Variants in XYLB observed in about 807,000 individuals in gnomAD.
The protein encoded by XYLB is xylulose kinase.
A neutral mutation model predicts 78.7 loss-of-function variants in XYLB; 62 were observed. That is an observed-to-expected ratio of 0.79 (90% confidence interval 0.64 to 0.97). XYLB has a LOEUF of 0.97. Among genes scored for constraint, XYLB ranks in the 50% least tolerant of loss-of-function variants. The pLI, the probability that XYLB is intolerant of heterozygous loss-of-function variation, is 0.00. For missense variants in XYLB, 687 were observed against 676.8 expected (o/e 1.02, Z -0.17); for synonymous variants, 245 against 247.4 (o/e 0.99, Z 0.09).
intron 2 of XYLB, among the ~76,000 whole-genome samples, chr3:38,353,080 C>G (rs1705455459): frequency 6.6e-6 from 1 of 152,090 alleles, no homozygotes; most frequent in African/African-American, 2.4e-5. Flanking sequence ...ATTGAATTTC[C>G]CAGTCTCTTT....
the XYLB span, among the ~76,000 whole-genome samples, chr3:38,439,151 C>T: frequency 4.6e-5 from 7 of 152,118 alleles, no homozygotes; most frequent in African/African-American, 1.4e-4. Flanking sequence ...GGAAATTGGG[C>T]GATGACCATT....
At chr3:38,443,254 G>C in the XYLB span, among the ~76,000 whole-genome samples, 1 of 152,208 alleles carries the variant, frequency 6.6e-6, no homozygotes. Flanking sequence ...CTGGGGCTCA[G>C]TGAGGGTGAT....
intron 15 of XYLB, among the ~76,000 whole-genome samples, chr3:38,389,473 T>C (rs1367339828): frequency 1.2e-4 from 18 of 152,102 alleles, no homozygotes; most frequent in Admixed American, 7.2e-4. Context: ...ACCTCCCAGA[T>C]GGGGTGGTGG....
the XYLB span, chr3:38,452,285 C>G: frequency 2.0e-5 from 3 of 152,174 alleles, no homozygotes; most frequent in African/African-American, 7.2e-5. Context: ...ATAGAATTTC[C>G]CAGGACTGGA....
the XYLB span, among the ~76,000 whole-genome samples, chr3:38,429,933 C>T: frequency 2.0e-5 from 3 of 152,218 alleles, no homozygotes; most frequent in Middle Eastern, 3.2e-3. Flanking sequence ...ATATGTGCCA[C>T]ATTTTCTTAA....
At chr3:38,360,828 G>A (rs572936619) in intron 3 of XYLB, among the ~76,000 whole-genome samples, 1 of 152,286 alleles carries the variant, frequency 6.6e-6, no homozygotes, top group Non-Finnish European at 1.5e-5. Context: ...GAGGTCAGGG[G>A]TTCAAGACCA....
At chr3:38,370,258 A>ACACACACACACACACACACACT in intron 9 of XYLB, 84 bp downstream of exon 9, 1 of 886,942 alleles carries the variant, frequency 1.1e-6, no homozygotes, top group Non-Finnish European at 1.9e-6. Flanking sequence ...ACACACACAC[A>ACACACACACACACACACACACT]CACACACACT....
chr3:38,439,501 G>A, the XYLB span, among the ~76,000 whole-genome samples: 4,427 of 152,262 alleles, frequency 0.029, 231 homozygotes, highest in African/African-American at 0.1. Context: ...AGTGGCTCAC[G>A]CCTGTAATCC....
chr3:38,441,992 T>C, the XYLB span, among the ~76,000 whole-genome samples: 1 of 152,352 alleles, frequency 6.6e-6, no homozygotes, highest in East Asian at 1.9e-4. Flanking sequence ...GTTCCCATTC[T>C]ACTAGATGAG....
chr3:38,348,326 T>C (rs77056796), intron 1 of XYLB, among the ~76,000 whole-genome samples: 3,666 of 152,274 alleles, frequency 0.024, 141 homozygotes, highest in African/African-American at 0.081. Context: ...GACATGTGGG[T>C]GTTCCTACTT....
At chr3:38,377,030 T>C in intron 14 of XYLB, 39 bp downstream of exon 14, 1 of 1,539,756 alleles carries the variant, frequency 6.5e-7, no homozygotes, top group Non-Finnish European at 8.9e-7. Flanking sequence ...ATTGGCTCCA[T>C]TTGTGAGTGT....
the XYLB span, among the ~76,000 whole-genome samples, chr3:38,429,404 T>C: frequency 6.6e-6 from 1 of 152,168 alleles, no homozygotes; most frequent in African/African-American, 2.4e-5. Context: ...TATTTTAAGC[T>C]ATTACAGTTG....
chr3:38,363,807 GT>G (rs990141194), intron 4 of XYLB, among the ~76,000 whole-genome samples: 15 of 152,352 alleles, frequency 9.8e-5, no homozygotes, highest in African/African-American at 3.4e-4. Flanking sequence ...AGTGCTGGGA[GT>G]GGGAGTCAGG....
chr3:38,351,753 T>C (rs1275968720), intron 2 of XYLB, among the ~76,000 whole-genome samples: 1 of 152,264 alleles, frequency 6.6e-6, no homozygotes, highest in African/African-American at 2.4e-5. Flanking sequence ...TAGAATTTTG[T>C]ATAGATGGAA....
chr3:38,419,604 A>ATATATATATATAT (rs1559628830), downstream of XYLB, among the ~76,000 whole-genome samples: 27 of 107,220 alleles, frequency 2.5e-4, no homozygotes, highest in African/African-American at 6.4e-4. Context: ...ATATATATAT[A>ATATATATATATAT]ATAGCCATCG....
chr3:38,418,863 T>C (rs1708886394), downstream of XYLB, among the ~76,000 whole-genome samples: 1 of 152,250 alleles, frequency 6.6e-6, no homozygotes, highest in African/African-American at 2.4e-5. Flanking sequence ...GTGTTCATTT[T>C]TTCAATTGTT....
the XYLB span, among the ~76,000 whole-genome samples, chr3:38,432,528 C>T: frequency 6.6e-6 from 1 of 152,098 alleles, no homozygotes; most frequent in African/African-American, 2.4e-5. Flanking sequence ...GATTGCGACC[C>T]TGCACTCCTG....
At chr3:38,352,578 G>A (rs994584385) in intron 2 of XYLB, among the ~76,000 whole-genome samples, 6 of 152,268 alleles carry the variant, frequency 3.9e-5, no homozygotes, top group Middle Eastern at 3.4e-3. Context: ...AGGCTGAAGC[G>A]GGTGGATTGC....
chr3:38,434,902 G>A, the XYLB span, among the ~76,000 whole-genome samples: 1 of 152,214 alleles, frequency 6.6e-6, no homozygotes, highest in Non-Finnish European at 1.5e-5. Flanking sequence ...GGAGGCAGAG[G>A]CAGGTGGATT....
Sources: gnomAD v4.1 joint callset for allele counts (sites outside exome capture counted in the v4.1 genomes callset) on GRCh38, gnomAD v4.1.1 for gene constraint, MANE v1.5 for transcripts, NCBI Gene and HGNC (gene_info 2026-07-23, HGNC 2026-07-21) for gene names.